The following MGA variants were observed in gnomAD, a reference collection of about 807,000 sequenced individuals.
The protein encoded by MGA is MAX gene-associated protein.
Under a neutral mutation model 261.1 loss-of-function variants are expected in MGA, and 40 were observed. That is an observed-to-expected ratio of 0.15 (90% CI 0.12 to 0.20). The LOEUF (loss-of-function observed/expected upper bound fraction) is 0.20. MGA is among the 10% of genes least tolerant of loss of function. The pLI is 1.00. For synonymous variants in MGA, 1,302 were observed against 1,290.6 expected (o/e 1.01, Z -0.19); for missense variants, 3,397 against 3,630.5 (o/e 0.94, Z 1.65).
intron 2 of MGA, among the ~76,000 whole-genome samples, chr15:41,673,235 T>G (rs562347304): frequency 6.6e-6 from 1 of 152,234 alleles, no homozygotes; most frequent in East Asian, 1.9e-4. Flanking sequence ...TTTTCTTTTT[T>G]GAGACAGAGT....
chr15:41,686,221 T>C (rs1566975155), intron 2 of MGA, among the ~76,000 whole-genome samples: 1 of 151,904 alleles, frequency 6.6e-6, no homozygotes, highest in East Asian at 1.9e-4. Flanking sequence ...GTGTTGAAAA[T>C]AAATTTTGAG....
At position 41,668,996 on chromosome 15, in the gene MGA, C is replaced by G; in HGVS notation, c.102C>G (p.Gly34=). The G allele has an allele frequency of 6.2e-7, 1 of 1,613,550 alleles. No individual in the cohort carries two copies. The highest frequency in any genetic ancestry group is 8.5e-7 in the Non-Finnish European group (1 of 1,179,572). ...TCATCTTAAAGCAGCCAGGAAATGG[C>G]AAAACTGATCAAGGAATTTTGGTTA... Residue 34 remains glycine, a synonymous_variant, in exon 2 of 24, where the codon GGC becomes GGG. Coordinates refer to ENST00000219905, the MANE Select transcript of MGA (RefSeq NM_001164273.2).
chr15:41,708,969 C>G (rs1184867136), intron 7 of MGA, among the ~76,000 whole-genome samples: 1 of 152,182 alleles, frequency 6.6e-6, no homozygotes, highest in Non-Finnish European at 1.5e-5. Context: ...TTCCAAAATA[C>G]TTTTCTCACC....
chr15:41,649,947 C>T (rs1183314265), intron 1 of MGA, among the ~76,000 whole-genome samples: 1 of 152,180 alleles, frequency 6.6e-6, no homozygotes, highest in Non-Finnish European at 1.5e-5. Context: ...TCCCAAAGTG[C>T]TGGGATTACA....
At chr15:41,644,823 TG>T (rs1410780673) in intron 1 of MGA, among the ~76,000 whole-genome samples, 1 of 152,222 alleles carries the variant, frequency 6.6e-6, no homozygotes, top group Non-Finnish European at 1.5e-5. Flanking sequence ...TGTCCAGTGT[TG>T]TATAGCTAAT....
At chr15:41,658,733 T>A (rs1469089795), upstream of MGA, among the ~76,000 whole-genome samples, 1 of 151,134 alleles carries the variant, frequency 6.6e-6, no homozygotes, top group Non-Finnish European at 1.5e-5. Context: ...TTTTAAAGTA[T>A]CTAGTATTTA....
intron 9 of MGA, among the ~76,000 whole-genome samples, chr15:41,722,415 C>T (rs1194510167): frequency 1.3e-5 from 2 of 152,160 alleles, no homozygotes; most frequent in Non-Finnish European, 2.9e-5. Flanking sequence ...AGGTGTGAGC[C>T]AGTGTGCCCG....
At chr15:41,637,080 A>T (rs2056725509) in intron 1 of MGA, among the ~76,000 whole-genome samples, 1 of 152,170 alleles carries the variant, frequency 6.6e-6, no homozygotes, top group Admixed American at 6.5e-5. Context: ...AATGTGAGAA[A>T]ATACTTGAAG....
chr15:41,680,971 G>T (rs561802881), intron 2 of MGA, among the ~76,000 whole-genome samples: 1 of 152,124 alleles, frequency 6.6e-6, no homozygotes, highest in Non-Finnish European at 1.5e-5. Context: ...TATTTAGGGG[G>T]TCTACTACAG....
rs1356465340 is a variant in MGA at position 41,713,199 on chromosome 15, C to T, written c.3133C>T (p.Pro1045Ser). 1.2e-6 allele frequency: 2 copies of T among 1,613,956 alleles called. No individual in the cohort carries two copies. The highest frequency in any genetic ancestry group is 1.1e-5 in the South Asian group (1 of 91,082). ...CCACACAATCATAAGGAAACGAGCCCCTCCCTGCAACAATGACTTCTGTCG... is the reference window on the plus strand; with the variant it reads ...CCACACAATCATAAGGAAACGAGCCTCTCCCTGCAACAATGACTTCTGTCG... Residue 1045 changes from proline to serine, a missense_variant, in exon 9 of 24, where the codon CCT becomes TCT. Coordinates refer to ENST00000219905, the MANE Select transcript of MGA (RefSeq NM_001164273.2).
At chr15:41,713,867 A>G (rs1165562152) in intron 9 of MGA, among the ~76,000 whole-genome samples, 1 of 152,084 alleles carries the variant, frequency 6.6e-6, no homozygotes, top group Non-Finnish European at 1.5e-5. Flanking sequence ...ATAATGCATC[A>G]TGTTTTCTAA....
At chr15:41,624,289 C>T (rs2056390289) in intron 1 of MGA, among the ~76,000 whole-genome samples, 1 of 151,772 alleles carries the variant, frequency 6.6e-6, no homozygotes, top group Non-Finnish European at 1.5e-5. Flanking sequence ...GCTCTGTCGC[C>T]CAGGCTGGAG....
intron 1 of MGA, among the ~76,000 whole-genome samples, chr15:41,661,921 G>T (rs1307870286): frequency 6.6e-6 from 1 of 152,134 alleles, no homozygotes; most frequent in Non-Finnish European, 1.5e-5. Context: ...CCGGCGGCAC[G>T]TGATCTGTCG....
intron 1 of MGA, 94 bp from the exon 2 acceptor site, chr15:41,668,734 A>C (rs1228090878): frequency 2.1e-6 from 1 of 486,998 alleles, no homozygotes; most frequent in African/African-American, 1.9e-5. Flanking sequence ...TTTTGGGGAT[A>C]ACATAATCGT....
rs1352779486 is a variant in MGA, at chr15:41,749,738, C to T, written c.6131C>T (p.Thr2044Ile). ...TGCCTTCCAGAAGAAGGTTGTGCAA[C>T]TGTCAAACCATCTGAGCATTCCTGT... is the stretch of plus-strand genomic sequence containing the variant. The change falls in exon 17 of 24, where the codon ACT becomes ATT. Residue 2044 changes from threonine (T) to isoleucine (I), a missense_variant. By Grantham distance (89) the Thr-to-Ile change is moderately conservative. Coordinates refer to ENST00000219905, the MANE Select transcript of MGA (RefSeq NM_001164273.2). The T allele has an allele frequency of 6.2e-7, 1 of 1,613,886 alleles. No individual in the cohort carries two copies. The highest frequency in any genetic ancestry group is 8.5e-7 in the Non-Finnish European group (1 of 1,179,896).
intron 17 of MGA, 110 bp downstream of exon 17, chr15:41,750,725 C>G: frequency 9.7e-7 from 1 of 1,026,018 alleles, no homozygotes; most frequent in Admixed American, 2.9e-5. Flanking sequence ...AATTGGATGC[C>G]TAGGTTTAAG....
At chr15:41,665,925 T>G (rs7164209) in intron 1 of MGA, among the ~76,000 whole-genome samples, 107,609 of 151,918 alleles carry the variant, frequency 0.71, 40,226 homozygotes, top group East Asian at 0.89. Flanking sequence ...TATTTTTTAT[T>G]TTTTTAAAGA....
In MGA at chr15:41,660,499, C is replaced by G. The variant is rs1439094916; in HGVS notation, c.-94C>G. The G allele has an allele frequency of 6.5e-6, 1 of 152,902 alleles. No individual in the cohort carries two copies. The highest frequency in any genetic ancestry group is 1.5e-5 in the Non-Finnish European group (1 of 68,316). The allele number at this position is 152,902 out of a possible 1,614,324, so 9.5% of individuals were successfully genotyped here. Reference sequence around the variant, plus strand: ...GCCCCCAGCGGGATGTGAAGGACTCCGGGTGAGGCCGGCCACGCCCCGCAC... The same window carrying G: ...GCCCCCAGCGGGATGTGAAGGACTCGGGGTGAGGCCGGCCACGCCCCGCAC... On this transcript the variant is annotated 5_prime_UTR_variant, in exon 1 of 24. Transcript: ENST00000219905.
At chr15:41,684,448 T>A in intron 2 of MGA, 1 of 427,794 alleles carries the variant, frequency 2.3e-6, no homozygotes, top group Non-Finnish European at 4.6e-6. Flanking sequence ...AGAATGAAAC[T>A]TAACTGTTTG....
Sources: allele counts gnomAD v4.1 joint callset (sites outside exome capture counted in the v4.1 genomes callset), GRCh38; gene constraint gnomAD v4.1.1; transcripts MANE v1.5; gene names NCBI Gene and HGNC (gene_info 2026-07-23, HGNC 2026-07-21).